Variants in WWOX observed in about 807,000 individuals in gnomAD.
WWOX encodes WW domain containing oxidoreductase.
A neutral mutation model predicts 46.2 loss-of-function variants in WWOX; 69 were observed. The observed-to-expected ratio is 1.49, with a 90% CI of 1.23 to 1.82. The LOEUF (loss-of-function observed/expected upper bound fraction) is 1.82. WWOX is among the 40% of genes most tolerant of loss of function. The pLI, the probability that WWOX is intolerant of heterozygous loss-of-function variation, is 0.00. For missense variants in WWOX, 919 were observed against 542.6 expected (o/e 1.69, Z -6.89); for synonymous variants, 359 against 202.6 (o/e 1.77, Z -6.56).
At chr16:78,376,091 C>G (rs893095485) in intron 5 of WWOX, among the ~76,000 whole-genome samples, 2 of 152,116 alleles carry the variant, frequency 1.3e-5, no homozygotes, top group South Asian at 2.1e-4. Flanking sequence ...CTCAAGTGAT[C>G]CACCCGCTTC....
intron 8 of WWOX, among the ~76,000 whole-genome samples, chr16:79,191,011 T>C (rs954197660): frequency 6.6e-6 from 1 of 152,194 alleles, no homozygotes; most frequent in Non-Finnish European, 1.5e-5. Context: ...AATAAGATGC[T>C]GGGAAGATGA....
At chr16:78,116,227 C>G (rs1384997736) in intron 4 of WWOX, among the ~76,000 whole-genome samples, 2 of 152,164 alleles carry the variant, frequency 1.3e-5, no homozygotes, top group Non-Finnish European at 2.9e-5. Flanking sequence ...GTTGTGCTAT[C>G]AAATAGTAGG....
At chr16:78,481,762 T>TGTGTGC in intron 8 of WWOX, among the ~76,000 whole-genome samples, 1 of 147,270 alleles carries the variant, frequency 6.8e-6, no homozygotes, top group East Asian at 2.0e-4. Context: ...TGTGTGTGTG[T>TGTGTGC]GTGCGCGCGC....
At chr16:78,996,478 A>G (rs559294317) in intron 8 of WWOX, 2 of 249,666 alleles carry the variant, frequency 8.0e-6, no homozygotes, top group African/African-American at 2.3e-5. Flanking sequence ...ACCCATGGGT[A>G]TGCATTCATA....
At chr16:78,991,910 C>T (rs968345903) in intron 8 of WWOX, among the ~76,000 whole-genome samples, 16 of 152,090 alleles carry the variant, frequency 1.1e-4, no homozygotes, top group Admixed American at 2.0e-4. Flanking sequence ...CCTTTGTTCC[C>T]GCCTAACACA....
intron 8 of WWOX, among the ~76,000 whole-genome samples, chr16:78,506,107 G>A (rs1567611599): frequency 2.6e-5 from 4 of 151,956 alleles, no homozygotes; most frequent in Admixed American, 2.6e-4. Context: ...GGGGCTGCCT[G>A]GAGAAGGGGA....
chr16:78,854,475 G>A (rs951585914), intron 8 of WWOX, among the ~76,000 whole-genome samples: 1 of 152,216 alleles, frequency 6.6e-6, no homozygotes, highest in African/African-American at 2.4e-5. Flanking sequence ...TATGTAGCCA[G>A]TTAATATTTT....
At chr16:79,109,395 T>C (rs2049373508) in intron 8 of WWOX, among the ~76,000 whole-genome samples, 1 of 152,158 alleles carries the variant, frequency 6.6e-6, no homozygotes, top group Admixed American at 6.6e-5. Flanking sequence ...CGGAGTTTAA[T>C]GGATCAAGTA....
intron 8 of WWOX, chr16:79,206,404 G>C (rs184830758): frequency 4.6e-5 from 7 of 152,204 alleles, no homozygotes; most frequent in Non-Finnish European, 8.8e-5. Flanking sequence ...TTATCTGTAT[G>C]GCTTTGGACG....
At chr16:79,044,216 C>A (rs2048025348) in intron 8 of WWOX, among the ~76,000 whole-genome samples, 1 of 152,182 alleles carries the variant, frequency 6.6e-6, no homozygotes, top group African/African-American at 2.4e-5. Context: ...AACAAACGCT[C>A]TTCAGGGAGA....
intron 8 of WWOX, among the ~76,000 whole-genome samples, chr16:78,829,314 T>C (rs1331584439): frequency 2.0e-5 from 3 of 152,146 alleles, no homozygotes; most frequent in Non-Finnish European, 4.4e-5. Context: ...AAGACAAGCA[T>C]CCCAGGTTGA....
At chr16:78,883,704 A>G (rs745648770) in intron 8 of WWOX, among the ~76,000 whole-genome samples, 56 of 151,866 alleles carry the variant, frequency 3.7e-4, no homozygotes, top group Non-Finnish European at 4.6e-4. Context: ...AGCCTGGGCA[A>G]CAGAGCAAGA....
At chr16:78,437,866 A>G (rs771215860) in intron 8 of WWOX, among the ~76,000 whole-genome samples, 1 of 152,218 alleles carries the variant, frequency 6.6e-6, no homozygotes, top group Non-Finnish European at 1.5e-5. Flanking sequence ...ATGCAGTTAA[A>G]TTACTCTAAA....
At chr16:78,756,135 G>A (rs559582006) in intron 8 of WWOX, among the ~76,000 whole-genome samples, 1 of 152,112 alleles carries the variant, frequency 6.6e-6, no homozygotes, top group Non-Finnish European at 1.5e-5. Context: ...TATAAAACAC[G>A]AACGGGGATC....
intron 8 of WWOX, among the ~76,000 whole-genome samples, chr16:78,637,095 C>G (rs899737050): frequency 2.0e-5 from 3 of 152,180 alleles, no homozygotes; most frequent in African/African-American, 4.8e-5. Context: ...TGCATGCATG[C>G]AATGCCCATC....
At chr16:78,142,793 A>G (rs778971960) in intron 4 of WWOX, among the ~76,000 whole-genome samples, 2 of 151,794 alleles carry the variant, frequency 1.3e-5, no homozygotes, top group African/African-American at 2.4e-5. Flanking sequence ...TAAACAAGAT[A>G]GAGTTTTTGC....
At chr16:78,439,402 C>A (rs988669550) in intron 8 of WWOX, among the ~76,000 whole-genome samples, 2 of 152,180 alleles carry the variant, frequency 1.3e-5, no homozygotes, top group South Asian at 2.1e-4. Context: ...TGTCCTCTTA[C>A]ACCACTGAGG....
intron 8 of WWOX, among the ~76,000 whole-genome samples, chr16:78,988,597 T>C (rs961308995): frequency 8.5e-5 from 13 of 152,130 alleles, no homozygotes; most frequent in East Asian, 1.9e-4. Flanking sequence ...CTCTTTGCCA[T>C]TGTTCAAGCC....
chr16:78,103,288 G>A (rs978580430), intron 1 of WWOX, among the ~76,000 whole-genome samples: 6 of 149,154 alleles, frequency 4.0e-5, no homozygotes, highest in East Asian at 2.0e-4. Context: ...TTTAAATTCC[G>A]GGATACATGT....
Sources: gnomAD v4.1 joint callset for allele counts (sites outside exome capture counted in the v4.1 genomes callset) on GRCh38, gnomAD v4.1.1 for gene constraint, MANE v1.5 for transcripts, NCBI Gene and HGNC (gene_info 2026-07-23, HGNC 2026-07-21) for gene names.